Variants in FAM167A observed in about 807,000 individuals in gnomAD.
The protein encoded by FAM167A is protein FAM167A.
FAM167A carries 23 observed loss-of-function variants against 14.9 expected under a neutral mutation model. That is an observed-to-expected ratio of 1.55 (90% CI 1.11 to 2.19). The LOEUF is 2.19. Among genes scored for constraint, FAM167A ranks in the 30% most tolerant of loss-of-function variants. The probability of loss-of-function intolerance (pLI) is 0.00; values close to 1 mark genes in which losing one functional copy is unlikely to be tolerated. For synonymous variants in FAM167A, 174 were observed against 117.7 expected, an observed-to-expected ratio of 1.48 and a Z score of -3.10; for missense variants, 401 against 281.5, an observed-to-expected ratio of 1.42 and a Z score of -3.04.
At chr8:11,433,820 G>A (rs944831322) in intron 2 of FAM167A, 2 of 152,208 alleles carry the variant, frequency 1.3e-5, no homozygotes, top group Admixed American at 1.3e-4. Flanking sequence ...CCCAGAACAT[G>A]TTCCACTGTC....
In FAM167A at chr8:11,421,813, G is replaced by C. The variant is rs1804750399; in HGVS notation, c.*2560C>G. The C allele has an allele frequency of 5.0e-6, 2 of 398,838 alleles. No individual in the cohort carries two copies. Among genetic ancestry groups the C allele is most frequent in the South Asian group, 1.3e-4 (1 of 7,848 alleles). The allele number at this position is 398,838 out of a possible 1,614,324, so 24.7% of individuals were successfully genotyped here. ...AATGAGTACAACTGCAAACAGCACT[G>C]TACACATGTGGTGAGCCAGGAGGCT... On this transcript the variant is annotated 3_prime_UTR_variant, in exon 3 of 3. Coordinates refer to ENST00000284486, the MANE Select transcript of FAM167A (RefSeq NM_053279.3).
chr8:11,447,049 C>T (rs1806814877), intron 1 of FAM167A, among the ~76,000 whole-genome samples: 1 of 152,226 alleles, frequency 6.6e-6, no homozygotes, highest in African/African-American at 2.4e-5. Flanking sequence ...CCCCCACCAG[C>T]AGGCTCCCAC....
In FAM167A at chr8:11,421,587, A is replaced by C; in HGVS notation, c.*2786T>G. 2.5e-6 allele frequency: 1 copy of C among 398,070 alleles called. No individual in the cohort carries two copies. The highest frequency in any genetic ancestry group is 4.4e-6 in the Non-Finnish European group (1 of 225,968). The allele number at this position is 398,070 out of a possible 1,614,324, so 24.7% of individuals were successfully genotyped here. ...TAAAAGTATAAATCGTCCATTGATTATGTAATAGCACTTGGTATTGCTACA... is the reference window on the plus strand; with the variant it reads ...TAAAAGTATAAATCGTCCATTGATTCTGTAATAGCACTTGGTATTGCTACA... On this transcript the variant is annotated 3_prime_UTR_variant, in exon 3 of 3. Transcript: ENST00000284486.
chr8:11,468,998 G>A (rs1807870097), upstream of FAM167A, among the ~76,000 whole-genome samples: 1 of 152,172 alleles, frequency 6.6e-6, no homozygotes, highest in Non-Finnish European at 1.5e-5. Context: ...CAACTCCAAA[G>A]TGAAATCATA....
chr8:11,453,529 C>T (rs1175221649), intron 1 of FAM167A, among the ~76,000 whole-genome samples: 3 of 152,216 alleles, frequency 2.0e-5, no homozygotes, highest in Non-Finnish European at 4.4e-5. Flanking sequence ...CAGTGGCACT[C>T]AGACTGTACC....
intron 1 of FAM167A, among the ~76,000 whole-genome samples, chr8:11,453,389 C>T (rs1807102317): frequency 6.6e-6 from 1 of 152,176 alleles, no homozygotes; most frequent in Non-Finnish European, 1.5e-5. Context: ...ATGAAGCACT[C>T]AATATGTGCC....
chr8:11,424,824 G>T (rs758597360), intron 2 of FAM167A, among the ~76,000 whole-genome samples, 188 bp from the exon 3 acceptor site: 1 of 152,206 alleles, frequency 6.6e-6, no homozygotes, highest in Non-Finnish European at 1.5e-5. Flanking sequence ...GGGTGCGGTC[G>T]CAAAACAATA....
chr8:11,453,631 G>A (rs1263915161), intron 1 of FAM167A, among the ~76,000 whole-genome samples: 2 of 152,272 alleles, frequency 1.3e-5, no homozygotes, highest in African/African-American at 4.8e-5. Context: ...CTGAGCTGGG[G>A]ACCAGGACCG....
At chr8:11,445,230 G>A (rs1033903915) in intron 1 of FAM167A, 3 of 985,296 alleles carry the variant, frequency 3.0e-6, no homozygotes, top group African/African-American at 1.7e-5. Context: ...TGTGGCAACA[G>A]CCGGGGGGTC....
chr8:11,474,064 G>A (rs1032913759), intron 1 of FAM167A, among the ~76,000 whole-genome samples: 2 of 152,120 alleles, frequency 1.3e-5, no homozygotes, highest in Admixed American at 6.5e-5. Context: ...TAGTAGAGAT[G>A]GGGTTTCACC....
upstream of FAM167A, among the ~76,000 whole-genome samples, chr8:11,466,939 C>A (rs1156555849): frequency 6.6e-6 from 1 of 152,220 alleles, no homozygotes; most frequent in Non-Finnish European, 1.5e-5. Context: ...GCAGCCCCCG[C>A]GAGTGGAGAG....
chr8:11,437,842 G>A (rs563300189), intron 2 of FAM167A, among the ~76,000 whole-genome samples: 10 of 147,540 alleles, frequency 6.8e-5, no homozygotes, highest in African/African-American at 1.9e-4. Flanking sequence ...ATGCAATTAC[G>A]TGGACAGGCA....
At chr8:11,433,649 G>A (rs980086931) in intron 2 of FAM167A, among the ~76,000 whole-genome samples, 4 of 152,188 alleles carry the variant, frequency 2.6e-5, no homozygotes, top group African/African-American at 7.2e-5. Flanking sequence ...AACTGGGCAG[G>A]CAGACAGAAT....
chr8:11,469,846 C>T, upstream of FAM167A, among the ~76,000 whole-genome samples: 1 of 151,670 alleles, frequency 6.6e-6, no homozygotes, highest in Non-Finnish European at 1.5e-5. Flanking sequence ...CACCACCGCA[C>T]TCCAGCCTGG....
chr8:11,461,719 G>C (rs1022203086), intron 1 of FAM167A, among the ~76,000 whole-genome samples: 2 of 152,242 alleles, frequency 1.3e-5, no homozygotes, highest in Non-Finnish European at 2.9e-5. Flanking sequence ...TGAATCCACA[G>C]GATAATTGGC....
At chr8:11,469,886 A>AAATT (rs1374676955), upstream of FAM167A, among the ~76,000 whole-genome samples, 2,334 of 42,018 alleles carry the variant, frequency 0.056, 51 homozygotes, top group African/African-American at 0.13. Flanking sequence ...TCTCAAAAAT[A>AAATT]AATAAATAAA....
chr8:11,450,073 ATC>A (rs1265742383), intron 1 of FAM167A, among the ~76,000 whole-genome samples: 1 of 152,130 alleles, frequency 6.6e-6, no homozygotes, highest in Non-Finnish European at 1.5e-5. Context: ...ATAAGACACA[ATC>A]TTTCCAACCC....
At chr8:11,448,295 G>C (rs1214249717) in intron 1 of FAM167A, among the ~76,000 whole-genome samples, 1 of 152,064 alleles carries the variant, frequency 6.6e-6, no homozygotes, top group Non-Finnish European at 1.5e-5. Flanking sequence ...CATGAGGCTA[G>C]TTCTGGGGAT....
In FAM167A at chr8:11,423,608, G is replaced by C. The variant is rs1804918655; in HGVS notation, c.*765C>G. 6.6e-6 allele frequency: 1 copy of C among 152,298 alleles called. No individual in the cohort carries two copies. The allele number at this position is 152,298 out of a possible 1,614,324, so 9.4% of individuals were successfully genotyped here. A position where few individuals can be genotyped will look rare whatever the true frequency, so the allele number is the denominator to read the frequency against. ...TCAGTCACCAGTGGTCTCCCAGGCT[G>C]TCACCCTGGGGTGTGGGTGGCAGTG... On this transcript the variant is annotated 3_prime_UTR_variant, in exon 3 of 3. Coordinates refer to ENST00000284486, the MANE Select transcript of FAM167A (RefSeq NM_053279.3).
Sources: gnomAD v4.1 joint callset for allele counts (sites outside exome capture counted in the v4.1 genomes callset) on GRCh38, gnomAD v4.1.1 for gene constraint, MANE v1.5 for transcripts, NCBI Gene and HGNC (gene_info 2026-07-23, HGNC 2026-07-21) for gene names.